Variants in CSMD3 observed in about 807,000 individuals in gnomAD.
CSMD3 encodes the protein CUB and sushi domain-containing protein 3.
In CSMD3, 177 loss-of-function variants were observed where a neutral mutation model predicts 435.2. The observed-to-expected ratio is 0.41, with a 90% CI of 0.36 to 0.46. The LOEUF (loss-of-function observed/expected upper bound fraction) is 0.46, where lower values mean the gene tolerates loss of function less well. Among genes scored for constraint, CSMD3 ranks in the 20% least tolerant of loss-of-function variants. The pLI is 0.34. For synonymous variants in CSMD3, 1,656 were observed against 1,520.5 expected (o/e 1.09, Z -2.07); for missense variants, 4,265 against 4,504.6 (o/e 0.95, Z 1.52).
chr8:112,867,910 C>T (rs887312725), intron 10 of CSMD3, among the ~76,000 whole-genome samples: 7 of 152,016 alleles, frequency 4.6e-5, no homozygotes, highest in African/African-American at 1.7e-4. Context: ...TTAACCTTAG[C>T]TTACTGTAAC....
intron 33 of CSMD3, 122 bp downstream of exon 33, chr8:112,408,797 A>C: frequency 6.7e-7 from 1 of 1,487,804 alleles, no homozygotes; most frequent in East Asian, 2.3e-5. Flanking sequence ...AAAAAAGGTG[A>C]CACTATTTTC....
intron 32 of CSMD3, among the ~76,000 whole-genome samples, chr8:112,437,715 C>T (rs1465172252): frequency 6.6e-6 from 1 of 151,898 alleles, no homozygotes; most frequent in African/African-American, 2.4e-5. Flanking sequence ...AACAATAGTA[C>T]AATTGGTAGC....
intron 9 of CSMD3, among the ~76,000 whole-genome samples, chr8:112,923,114 T>C (rs1452772918): frequency 2.0e-5 from 3 of 152,130 alleles, no homozygotes; most frequent in African/African-American, 7.2e-5. Flanking sequence ...ACAGTGTTAA[T>C]AGGAATCTGA....
chr8:113,175,251 A>G (rs971412216), intron 3 of CSMD3, among the ~76,000 whole-genome samples: 2 of 151,860 alleles, frequency 1.3e-5, no homozygotes, highest in African/African-American at 4.8e-5. Context: ...AAGAAAAATC[A>G]CAGATTAATT....
At chr8:113,064,955 A>C (rs2088789599) in intron 5 of CSMD3, among the ~76,000 whole-genome samples, 1 of 152,202 alleles carries the variant, frequency 6.6e-6, no homozygotes, top group Non-Finnish European at 1.5e-5. Flanking sequence ...ATTTAGCTTG[A>C]ATACTTTTAA....
chr8:113,383,003 TAATA>T (rs1379521469), intron 1 of CSMD3, among the ~76,000 whole-genome samples: 1 of 151,518 alleles, frequency 6.6e-6, no homozygotes, highest in Admixed American at 6.6e-5. Context: ...TAAATAAAAG[TAATA>T]AATAAACAGT....
At chr8:113,116,209 T>A (rs1221198982) in intron 4 of CSMD3, among the ~76,000 whole-genome samples, 4 of 152,198 alleles carry the variant, frequency 2.6e-5, no homozygotes, top group African/African-American at 9.7e-5. Flanking sequence ...TGAATTGTAG[T>A]TCCCATAATC....
rs1231232692 is a variant in CSMD3 at position 112,244,577 on chromosome 8, T to C, written c.10223-4A>G. The C allele has an allele frequency of 1.2e-6, 2 of 1,613,174 alleles. No individual in the cohort carries two copies. The highest frequency in any genetic ancestry group is 2.2e-5 in the East Asian group (1 of 44,846). Reference sequence around the variant, plus strand: ...TCTGGCTGTTTACAGCTGTGGGCTATATTAAGAAAAGAGAACAATGTAAAT... The same window carrying C: ...TCTGGCTGTTTACAGCTGTGGGCTACATTAAGAAAAGAGAACAATGTAAAT... On this transcript the variant is annotated splice_region_variant and splice_polypyrimidine_tract_variant and intron_variant, in intron 64 of 70. Coordinates refer to ENST00000297405, the MANE Select transcript of CSMD3 (RefSeq NM_198123.2).
At position 112,556,754 on chromosome 8, in the gene CSMD3, G is replaced by T; in HGVS notation, c.4234+9C>A. ...AAATATTCAATGAAAATCTATGACA[G>T]TATCCTACCAATACAGGAAGGCAGA... is the stretch of plus-strand genomic sequence containing the variant. On this transcript the variant is annotated intron_variant, in intron 25 of 70. Transcript: ENST00000297405. The T allele has an allele frequency of 6.3e-7, 1 of 1,591,226 alleles. No individual in the cohort carries two copies. The highest frequency in any genetic ancestry group is 1.1e-5 in the South Asian group (1 of 90,632).
chr8:112,460,196 C>T (rs2130670640), intron 32 of CSMD3, among the ~76,000 whole-genome samples: 1 of 152,122 alleles, frequency 6.6e-6, no homozygotes, highest in African/African-American at 2.4e-5. Context: ...ATAACCTGAA[C>T]ATTCAGATTC....
chr8:112,788,178 C>T (rs899875010), intron 13 of CSMD3, among the ~76,000 whole-genome samples: 3 of 152,080 alleles, frequency 2.0e-5, no homozygotes, highest in Non-Finnish European at 2.9e-5. Context: ...AATACTGACC[C>T]TTGTCTTCAG....
chr8:113,007,128 C>T (rs542186955), intron 6 of CSMD3, among the ~76,000 whole-genome samples: 8 of 152,004 alleles, frequency 5.3e-5, no homozygotes, highest in South Asian at 4.1e-4. Context: ...TTCCTCTGGA[C>T]GACAAGGCCC....
intron 4 of CSMD3, among the ~76,000 whole-genome samples, chr8:113,113,517 A>T (rs117396794): frequency 0.013 from 2,044 of 152,266 alleles, 21 homozygotes; most frequent in Non-Finnish European, 0.022. Flanking sequence ...CTAGGTTTAG[A>T]TGTGATTTAA....
chr8:113,392,209 C>A (rs1325605371), intron 1 of CSMD3, among the ~76,000 whole-genome samples: 1 of 152,026 alleles, frequency 6.6e-6, no homozygotes, highest in Non-Finnish European at 1.5e-5. Flanking sequence ...GATCCACAGA[C>A]AATACATAAT....
intron 70 of CSMD3, among the ~76,000 whole-genome samples, chr8:112,226,247 A>T (rs1408563648): frequency 6.6e-6 from 1 of 152,098 alleles, no homozygotes; most frequent in Non-Finnish European, 1.5e-5. Context: ...TAATACTATA[A>T]CTCTACTGGA....
At chr8:113,281,803 T>C (rs570416398) in intron 2 of CSMD3, among the ~76,000 whole-genome samples, 1 of 152,092 alleles carries the variant, frequency 6.6e-6, no homozygotes, top group East Asian at 1.9e-4. Flanking sequence ...AGGTTCTGTT[T>C]GATGTGTTTC....
In CSMD3 at chr8:112,599,599, G is replaced by T. The variant is rs572028746; in HGVS notation, c.3716-12364C>A. On this transcript the variant is annotated intron_variant, in intron 22 of 70. Coordinates refer to ENST00000297405, the MANE Select transcript of CSMD3 (RefSeq NM_198123.2). Reference sequence around the variant, plus strand: ...GTTTATTGCGGCATTATTCACAATAGCAAAGACTTGGAACCAACCCAAATG... The same window carrying T: ...GTTTATTGCGGCATTATTCACAATATCAAAGACTTGGAACCAACCCAAATG... 4.1e-5 allele frequency among the ~76,000 whole-genome samples: 6 copies of T among 145,568 alleles called. No homozygotes were observed. The East Asian group carries it at 7.9e-4, about 19-fold the overall frequency.
chr8:112,297,908 G>A lies in CSMD3; in HGVS notation c.8441-1902C>T, dbSNP rs181755502. ...AGCTAAAGCAGGAGGATCTTTTGAGGCCACAATTTCAAGACCAGCCTGGGC... is the reference window on the plus strand; with the variant it reads ...AGCTAAAGCAGGAGGATCTTTTGAGACCACAATTTCAAGACCAGCCTGGGC... On this transcript the variant is annotated intron_variant, in intron 53 of 70. Coordinates refer to ENST00000297405, the MANE Select transcript of CSMD3 (RefSeq NM_198123.2). 2.0e-3 allele frequency among the ~76,000 whole-genome samples: 302 copies of A among 151,654 alleles called. 3 individuals carry two copies. Among genetic ancestry groups the A allele is most frequent in the African/African-American group, 7.0e-3 (290 of 41,422 alleles).
At chr8:112,581,111 T>G (rs1006691720) in intron 23 of CSMD3, among the ~76,000 whole-genome samples, 3 of 152,142 alleles carry the variant, frequency 2.0e-5, no homozygotes, top group Non-Finnish European at 4.4e-5. Context: ...AAACATCATT[T>G]AATTTAAAAA....
Sources: allele counts gnomAD v4.1 joint callset (sites outside exome capture counted in the v4.1 genomes callset), GRCh38; gene constraint gnomAD v4.1.1; transcripts MANE v1.5; gene names NCBI Gene and HGNC (gene_info 2026-07-23, HGNC 2026-07-21).